TBL1XR1: variants seen among roughly 807,000 people sequenced by gnomAD.
TBL1XR1 encodes TBL1X/Y related 1, also known as F-box-like/WD repeat-containing protein TBL1XR1.
In TBL1XR1, 5 loss-of-function variants were observed where a neutral mutation model predicts 66.9. The observed-to-expected ratio is 0.07, with a 90% CI of 0.04 to 0.16. The LOEUF is 0.16. Among genes scored for constraint, TBL1XR1 ranks in the 10% least tolerant of loss-of-function variants. TBL1XR1 has a pLI of 1.00. For missense variants in TBL1XR1, 238 were observed against 623.2 expected, an observed-to-expected ratio of 0.38 and a Z score of 6.58; for synonymous variants, 210 against 206.0, an observed-to-expected ratio of 1.02 and a Z score of -0.17.
At chr3:177,155,876 G>A (rs1731427991) in intron 1 of TBL1XR1, among the ~76,000 whole-genome samples, 1 of 152,026 alleles carries the variant, frequency 6.6e-6, no homozygotes, top group Non-Finnish European at 1.5e-5. Context: ...AGGCGTGGTG[G>A]CACATGCCTG....
Position 177,070,860 on chromosome 3 carries a change from T to A in TBL1XR1, c.-45-5838A>T, listed in dbSNP as rs553976096. Reference sequence around the variant, plus strand: ...GACTCCGTCTCAAAAAAAAAATAAATAAATAAATAAAAATAAACTAAAATC... The same window carrying A: ...GACTCCGTCTCAAAAAAAAAATAAAAAAATAAATAAAAATAAACTAAAATC... On this transcript the variant is annotated intron_variant, in intron 2 of 15. Coordinates refer to ENST00000457928, the MANE Select transcript of TBL1XR1 (RefSeq NM_024665.7). Among the ~76,000 whole-genome samples the A allele has an allele frequency of 5.9e-5, 9 of 151,472 alleles. No homozygotes were observed. In the South Asian group the frequency reaches 8.4e-4, roughly 14 times the overall value.
chr3:177,047,169 T>C (rs1364226301), intron 9 of TBL1XR1, 131 bp downstream of exon 9: 2 of 711,564 alleles, frequency 2.8e-6, no homozygotes, highest in African/African-American at 1.8e-5. Flanking sequence ...ACCTAAGGAG[T>C]ATTTCTAGCA....
chr3:177,126,336 CTA>C (rs1166728637), intron 1 of TBL1XR1, among the ~76,000 whole-genome samples: 1 of 152,154 alleles, frequency 6.6e-6, no homozygotes, highest in African/African-American at 2.4e-5. Context: ...GCTGAATCAT[CTA>C]ACACAACAAT....
At chr3:177,126,336 C>G (rs984098144) in intron 1 of TBL1XR1, among the ~76,000 whole-genome samples, 11 of 152,154 alleles carry the variant, frequency 7.2e-5, no homozygotes, top group Non-Finnish European at 1.5e-4. Context: ...GCTGAATCAT[C>G]TAACACAACA....
chr3:177,169,237 A>T (rs370385301), intron 1 of TBL1XR1, among the ~76,000 whole-genome samples: 24 of 152,344 alleles, frequency 1.6e-4, no homozygotes, highest in African/African-American at 5.5e-4. Flanking sequence ...TTAGATTTTA[A>T]ATCTAGAATT....
chr3:177,040,172 A>C (rs761235951), intron 10 of TBL1XR1, among the ~76,000 whole-genome samples: 10 of 152,082 alleles, frequency 6.6e-5, no homozygotes, highest in Non-Finnish European at 8.8e-5. Flanking sequence ...AAAATTAGCC[A>C]GGTGTAGTGG....
intron 10 of TBL1XR1, among the ~76,000 whole-genome samples, chr3:177,039,512 C>T (rs1715278247): frequency 6.6e-6 from 1 of 152,184 alleles, no homozygotes; most frequent in African/African-American, 2.4e-5. Flanking sequence ...AAATCAAATG[C>T]CCCTTAAAAT....
chr3:177,152,563 GC>G (rs1478108271), intron 1 of TBL1XR1, among the ~76,000 whole-genome samples: 2 of 152,160 alleles, frequency 1.3e-5, no homozygotes, highest in Non-Finnish European at 2.9e-5. Flanking sequence ...GGGATTACAG[GC>G]GTGAGCGTGA....
At position 177,020,247 on chromosome 3, in the gene TBL1XR1, C is replaced by T. The variant is rs186523378; in HGVS notation, c.*5251G>A. 182 of 151,950 alleles carry T rather than the reference C, an allele frequency of 1.2e-3. No individual in the cohort carries two copies. The highest frequency in any genetic ancestry group is 4.3e-3 in the African/African-American group (179 of 41,486). 9.4% of individuals were successfully genotyped at this position (151,950 alleles called of 1,614,324 possible). A position where few individuals can be genotyped will look rare whatever the true frequency, so the allele number is the denominator to read the frequency against. On this transcript the variant is annotated 3_prime_UTR_variant, in exon 16 of 16. Coordinates refer to ENST00000457928, the MANE Select transcript of TBL1XR1 (RefSeq NM_024665.7). ...GTGCTCAACCGTGTGGCTAACCAAACAAATGTTATCTAAGGTCTCTTTTTC... is the reference window on the plus strand; with the variant it reads ...GTGCTCAACCGTGTGGCTAACCAAATAAATGTTATCTAAGGTCTCTTTTTC...
At chr3:177,098,174 T>C (rs992970947) in intron 2 of TBL1XR1, among the ~76,000 whole-genome samples, 30 of 151,982 alleles carry the variant, frequency 2.0e-4, no homozygotes, top group Non-Finnish European at 1.6e-4. Context: ...ATCACGCCAT[T>C]GCACTCCAGC....
intron 2 of TBL1XR1, among the ~76,000 whole-genome samples, chr3:177,074,236 C>A (rs1047876776): frequency 6.6e-6 from 1 of 152,122 alleles, no homozygotes; most frequent in Non-Finnish European, 1.5e-5. Context: ...AGTGAAAGAG[C>A]TAGAGAATAG....
intron 10 of TBL1XR1, among the ~76,000 whole-genome samples, chr3:177,045,169 C>T (rs1264670290): frequency 6.6e-6 from 1 of 151,992 alleles, no homozygotes; most frequent in Non-Finnish European, 1.5e-5. Flanking sequence ...TGCAAATTTC[C>T]ATTTTAAAGT....
At chr3:177,064,375 A>G (rs898881703) in intron 3 of TBL1XR1, among the ~76,000 whole-genome samples, 1 of 152,140 alleles carries the variant, frequency 6.6e-6, no homozygotes, top group Non-Finnish European at 1.5e-5. Flanking sequence ...TGTTTTATCT[A>G]TCAATAAAAC....
chr3:177,155,918 G>T (rs1731434239), intron 1 of TBL1XR1, among the ~76,000 whole-genome samples: 1 of 151,318 alleles, frequency 6.6e-6, no homozygotes, highest in African/African-American at 2.4e-5. Flanking sequence ...CTGAGGCACA[G>T]GAATCACTTG....
intron 3 of TBL1XR1, among the ~76,000 whole-genome samples, chr3:177,062,002 C>G (rs751916398): frequency 1.3e-5 from 2 of 152,192 alleles, no homozygotes; most frequent in African/African-American, 2.4e-5. Context: ...TATCTGAACC[C>G]TGTCCTGAGT....
At position 177,033,139 on chromosome 3, in the gene TBL1XR1, GA is replaced by G; in HGVS notation, c.1251-4del. 2.7e-6 allele frequency: 4 copies of G among 1,509,316 alleles called. No homozygotes were observed. Among genetic ancestry groups the G allele is most frequent in the Admixed American group, 4.1e-5 (2 of 48,702 alleles). The allele number at this position is 1,509,316 out of a possible 1,614,324, so 93.5% of individuals were successfully genotyped here. A position where few individuals can be genotyped will look rare whatever the true frequency, so the allele number is the denominator to read the frequency against. On this transcript the variant is annotated splice_region_variant and splice_polypyrimidine_tract_variant and intron_variant, in intron 13 of 15. Coordinates refer to ENST00000457928, the MANE Select transcript of TBL1XR1 (RefSeq NM_024665.7). ...TAACAGTAGAATCAAAGGATGCACTGAAAAAGGAAGGAAAGAAAGTTAATTT... is the reference window on the plus strand; with the variant it reads ...TAACAGTAGAATCAAAGGATGCACTGAAAAGGAAGGAAAGAAAGTTAATTT...
intron 2 of TBL1XR1, among the ~76,000 whole-genome samples, chr3:177,072,852 T>A (rs1204338789): frequency 6.6e-6 from 1 of 152,176 alleles, no homozygotes; most frequent in African/African-American, 2.4e-5. Flanking sequence ...TCACTTGAGG[T>A]CAGGAGTTCG....
chr3:177,052,201 T>C (rs1287576313), intron 4 of TBL1XR1, among the ~76,000 whole-genome samples: 1 of 152,220 alleles, frequency 6.6e-6, no homozygotes, highest in Admixed American at 6.5e-5. Flanking sequence ...ACAGACTTCA[T>C]GGGGCTATAG....
chr3:177,186,989 A>T (rs1577427964), intron 1 of TBL1XR1, among the ~76,000 whole-genome samples: 1 of 151,260 alleles, frequency 6.6e-6, no homozygotes, highest in African/African-American at 2.4e-5. Context: ...ACAGGATGAA[A>T]CCCCGTCTCT....
Sources: allele counts gnomAD v4.1 joint callset (sites outside exome capture counted in the v4.1 genomes callset), GRCh38; gene constraint gnomAD v4.1.1; transcripts MANE v1.5; gene names NCBI Gene and HGNC (gene_info 2026-07-23, HGNC 2026-07-21).